The following PCOLCE variants were observed in gnomAD, a reference collection of about 807,000 sequenced individuals.
PCOLCE encodes procollagen C-endopeptidase enhancer 1.
PCOLCE carries 33 observed loss-of-function variants against 47.2 expected under a neutral mutation model. The ratio of observed to expected loss-of-function variants is 0.70; its 90% CI spans 0.53 to 0.93. The LOEUF (loss-of-function observed/expected upper bound fraction) is 0.93, where lower values mean the gene tolerates loss of function less well. Among genes scored for constraint, PCOLCE ranks in the 40% least tolerant of loss-of-function variants. The pLI, the probability that PCOLCE is intolerant of heterozygous loss-of-function variation, is 0.00. For missense variants in PCOLCE, 584 were observed against 585.3 expected, an observed-to-expected ratio of 1.00 and a Z score of 0.02; for synonymous variants, 254 against 252.5, an observed-to-expected ratio of 1.01 and a Z score of -0.06.
At position 100,604,074 on chromosome 7, in the gene PCOLCE, G is replaced by A; in HGVS notation, c.320G>A (p.Arg107Gln). 2 of 1,609,336 alleles carry A rather than the reference G, an allele frequency of 1.2e-6. No homozygotes were observed. Among genetic ancestry groups the A allele is most frequent in the Non-Finnish European group, 8.5e-7 (1 of 1,179,988 alleles). Residue 107 changes from arginine to glutamine, a missense_variant, in exon 3 of 9, where the codon CGG becomes CAG. Arg to Gln is a conservative substitution (Grantham distance 43). Coordinates refer to ENST00000223061, the MANE Select transcript of PCOLCE (RefSeq NM_002593.4). This position sits in a 1 kb window ranked among gnomAD's most constrained non-coding sequence, Gnocchi z 6.4. ...VFAGSGTSGQRLGRFCGTFRP... is the reference protein window; with the variant it reads ...VFAGSGTSGQQLGRFCGTFRP... ...GCTGGGTCTGGGACTTCCGGCCAGC[G>A]GCTCGGACGCTTTTGTGGGACCTTC...
intron 6 of PCOLCE, among the ~76,000 whole-genome samples, chr7:100,607,005 C>T (rs1258960312): frequency 1.3e-5 from 2 of 150,352 alleles, no homozygotes; most frequent in Non-Finnish European, 3.0e-5. Context: ...GCAGGAGAGT[C>T]GCTTGAACCT....
intron 6 of PCOLCE, among the ~76,000 whole-genome samples, chr7:100,606,881 A>G (rs1434050880): frequency 6.6e-6 from 1 of 152,170 alleles, no homozygotes; most frequent in African/African-American, 2.4e-5. Context: ...ACCTGAGGTC[A>G]GGAGTTCAAG....
In PCOLCE at chr7:100,605,510, C is replaced by G. The variant is rs529270709; in HGVS notation, c.589-166C>G. 1.4e-3 allele frequency: 1,186 copies of G among 838,914 alleles called. 4 individuals are homozygous for G. Among genetic ancestry groups the G allele is most frequent in the Middle Eastern group, 8.3e-3 (23 of 2,758 alleles). The allele number at this position is 838,914 out of a possible 1,614,324, so 52.0% of individuals were successfully genotyped here. A position where few individuals can be genotyped will look rare whatever the true frequency, so the allele number is the denominator to read the frequency against. ...GACGACCGACACCCCTGCAGGGTCC[C>G]ATGGGTGTGTGTGGTCCTCCGTGCT... On this transcript the variant is annotated intron_variant, in intron 4 of 8. Transcript: ENST00000223061. This position sits in a 1 kb window ranked among gnomAD's most constrained non-coding sequence, Gnocchi z 6.1.
chr7:100,604,237 C>A lies in PCOLCE; in HGVS notation c.463+20C>A. Reference sequence around the variant, plus strand: ...GCACTGGTGAGAACTCCCTCACCTCCGCCTTCCCCCCCTCCAGGCCCCGCC... The same window carrying A: ...GCACTGGTGAGAACTCCCTCACCTCAGCCTTCCCCCCCTCCAGGCCCCGCC... On this transcript the variant is annotated intron_variant, in intron 3 of 8. Transcript: ENST00000223061. The surrounding 1 kb of genome is among the most constrained non-coding windows in gnomAD (Gnocchi z 6.4). 1 of 1,598,222 alleles carries A rather than the reference C, an allele frequency of 6.3e-7. No individual in the cohort carries two copies. Among genetic ancestry groups the A allele is most frequent in the Non-Finnish European group, 8.5e-7 (1 of 1,174,502 alleles).
intron 1 of PCOLCE, chr7:100,603,183 G>A: frequency 2.5e-6 from 1 of 404,956 alleles, no homozygotes; most frequent in Non-Finnish European, 4.4e-6. Flanking sequence ...GGGTGGGGGT[G>A]GGGACTCTTG....
Position 100,605,103 on chromosome 7 carries a change from GC to G in PCOLCE, c.477del (p.Cys159TrpfsTer12). 1 of 1,607,922 alleles carries G rather than the reference GC, an allele frequency of 6.2e-7. No homozygotes were observed. ...RATSGTEHQF[C>X]GGRLEKAQGT... is the part of the protein sequence containing the mutation. ...CTCCCCTCCCCAGAGCACCAATTTT[GC>G]GGGGGGCGGCTGGAGAAGGCCCAGG... On this transcript the variant is annotated frameshift_variant, in exon 4 of 9. Coordinates refer to ENST00000223061, the MANE Select transcript of PCOLCE (RefSeq NM_002593.4). LOFTEE classifies it high-confidence loss of function. This position sits in a 1 kb window ranked among gnomAD's most constrained non-coding sequence, Gnocchi z 6.1.
rs746345519 is a variant in PCOLCE at position 100,603,925 on chromosome 7, C to T, written c.205-34C>T. 36 of 1,592,828 alleles carry T rather than the reference C, an allele frequency of 2.3e-5. No homozygotes were observed. In the East Asian group the frequency reaches 7.1e-4, roughly 32 times the overall value. ...TCTGGCTGGGTTGTGTGGGGCCTGA[C>T]TCTGTGGGTCCCCGCCTCTGTCCCC... On this transcript the variant is annotated intron_variant, in intron 2 of 8. Coordinates refer to ENST00000223061, the MANE Select transcript of PCOLCE (RefSeq NM_002593.4).
chr7:100,607,425 G>T, intron 6 of PCOLCE, 27 bp from the exon 7 acceptor site: 1 of 1,598,248 alleles, frequency 6.3e-7, no homozygotes, highest in Non-Finnish European at 8.6e-7. Flanking sequence ...TGCTGAGCAG[G>T]TCACCCTCCA....
In PCOLCE at chr7:100,605,250, C is replaced by T. The variant is rs768616354; in HGVS notation, c.588+35C>T. 5.0e-6 allele frequency: 8 copies of T among 1,584,406 alleles called. No individual in the cohort carries two copies. The highest frequency in any genetic ancestry group is 4.0e-5 in the African/African-American group (3 of 74,284). On this transcript the variant is annotated intron_variant, in intron 4 of 8. Transcript: ENST00000223061. The surrounding 1 kb of genome is among the most constrained non-coding windows in gnomAD (Gnocchi z 6.1). Reference sequence around the variant, plus strand: ...CTCCTCCCCGGGCTGCCCTAGGGGACCCAGGCGGCGCCCTCCAGCTTGCAG... The same window carrying T: ...CTCCTCCCCGGGCTGCCCTAGGGGATCCAGGCGGCGCCCTCCAGCTTGCAG...
At chr7:100,607,265 T>C (rs1802733284) in intron 6 of PCOLCE, among the ~76,000 whole-genome samples, 187 bp from the exon 7 acceptor site, 1 of 152,036 alleles carries the variant, frequency 6.6e-6, no homozygotes, top group African/African-American at 2.4e-5. Flanking sequence ...AAGTTCTTCC[T>C]TGGCTACATT....
chr7:100,605,950 G>C lies in PCOLCE; in HGVS notation c.725+138G>C. On this transcript the variant is annotated intron_variant, in intron 5 of 8. Coordinates refer to ENST00000223061, the MANE Select transcript of PCOLCE (RefSeq NM_002593.4). This position sits in a 1 kb window ranked among gnomAD's most constrained non-coding sequence, Gnocchi z 6.1. ...AAACCGGCGAGGGGAGCAGGTTGGAGGCCAGGCAAAGAGGAGATTTGGCCC... is the reference window on the plus strand; with the variant it reads ...AAACCGGCGAGGGGAGCAGGTTGGACGCCAGGCAAAGAGGAGATTTGGCCC... The C allele has an allele frequency of 9.9e-7, 1 of 1,007,338 alleles. No individual in the cohort carries two copies. The highest frequency in any genetic ancestry group is 3.2e-4 in the Middle Eastern group (1 of 3,142). 62.4% of individuals were successfully genotyped at this position (1,007,338 alleles called of 1,614,324 possible).
At position 100,606,420 on chromosome 7, in the gene PCOLCE, A is replaced by T. The variant is rs1236663992; in HGVS notation, c.730A>T (p.Ile244Phe). 2.5e-6 allele frequency: 4 copies of T among 1,613,112 alleles called. No individual in the cohort carries two copies. Among genetic ancestry groups the T allele is most frequent in the Non-Finnish European group, 3.4e-6 (4 of 1,179,186 alleles). Residue 244 changes from isoleucine (I) to phenylalanine (F), a missense_variant, in exon 6 of 9, where the codon ATC (isoleucine) becomes TTC (phenylalanine). Coordinates refer to ENST00000223061, the MANE Select transcript of PCOLCE (RefSeq NM_002593.4). The stretch of plus-strand genomic sequence containing the variant: ...ATGCTCGGTGGCCACCTGCAGCTCC[A>T]TCTCCTCCGAAGGGAATGAACTCCT... ...KFCGDAVPGSISSEGNELLVQ... is the reference protein window; with the variant it reads ...KFCGDAVPGSFSSEGNELLVQ...
rs2131288601 is a variant in PCOLCE at position 100,605,083 on chromosome 7, C to T, written c.464-8C>T. 6.2e-7 allele frequency: 1 copy of T among 1,607,884 alleles called. No individual in the cohort carries two copies. The highest frequency in any genetic ancestry group is 8.5e-7 in the Non-Finnish European group (1 of 1,176,140). ...CCCCCCACCCCCGCTCCTCTCTCCC[C>T]TCCCCAGAGCACCAATTTTGCGGGG... On this transcript the variant is annotated splice_region_variant and splice_polypyrimidine_tract_variant and intron_variant, in intron 3 of 8. Coordinates refer to ENST00000223061, the MANE Select transcript of PCOLCE (RefSeq NM_002593.4). This position sits in a 1 kb window ranked among gnomAD's most constrained non-coding sequence, Gnocchi z 6.1.
At chr7:100,606,388 TC>T (rs1465200602) in intron 5 of PCOLCE, 27 bp from the exon 6 acceptor site, 3 of 1,568,610 alleles carry the variant, frequency 1.9e-6, no homozygotes, top group Non-Finnish European at 1.8e-6. Flanking sequence ...CCCTGACACT[TC>T]CCCCAATGCT....
intron 1 of PCOLCE, chr7:100,602,996 C>CCATAAAA: frequency 4.5e-6 from 1 of 221,090 alleles, no homozygotes; most frequent in South Asian, 9.5e-5. Flanking sequence ...CCTCCAGGTT[C>CCATAAAA]AATCAGAGGG....
chr7:100,603,381 C>T (rs763571474), intron 1 of PCOLCE, 49 bp from the exon 2 acceptor site: 1 of 917,590 alleles, frequency 1.1e-6, no homozygotes, highest in Admixed American at 2.2e-5. Flanking sequence ...CCAGTGCTCC[C>T]CCGTCCCACC....
chr7:100,603,848 C>A, intron 2 of PCOLCE, 111 bp from the exon 3 acceptor site: 1 of 1,289,030 alleles, frequency 7.8e-7, no homozygotes. Flanking sequence ...ATGGAGGCCC[C>A]TTCCCATTCA....
At chr7:100,607,397 A>G in intron 6 of PCOLCE, 55 bp from the exon 7 acceptor site, 1 of 1,375,852 alleles carries the variant, frequency 7.3e-7, no homozygotes, top group Admixed American at 1.7e-5. Context: ...TGTTATGGGG[A>G]CAGTGCTCCC....
intron 5 of PCOLCE, 100 bp from the exon 6 acceptor site, chr7:100,606,316 G>A: frequency 1.3e-6 from 1 of 780,722 alleles, no homozygotes; most frequent in Non-Finnish European, 2.1e-6. Flanking sequence ...GAGACAAAGT[G>A]AGACCCTGTC....
Sources: gnomAD v4.1 joint callset for allele counts (sites outside exome capture counted in the v4.1 genomes callset) on GRCh38, gnomAD v4.1.1 for gene constraint, Gnocchi (gnomAD v3.1) non-coding constraint, MANE v1.5 for transcripts, NCBI Gene and HGNC (gene_info 2026-07-23, HGNC 2026-07-21) for gene names.